The following RAB33A variants were observed in gnomAD, a reference collection of about 807,000 sequenced individuals.
The protein encoded by RAB33A is ras-related protein Rab-33A.
In RAB33A, 6 loss-of-function variants were observed where a neutral mutation model predicts 12.0. The ratio of observed to expected loss-of-function variants is 0.50; its 90% CI spans 0.27 to 0.99. The LOEUF is 0.99. RAB33A is among the 50% of genes least tolerant of loss of function. The pLI, the probability that RAB33A is intolerant of heterozygous loss-of-function variation, is 0.11. For missense variants in RAB33A, 109 were observed against 192.0 expected (o/e 0.57, Z 2.55); for synonymous variants, 70 against 82.4 (o/e 0.85, Z 0.81).
chrX:130,158,813 C>T, the RAB33A span, among the ~76,000 whole-genome samples: 1 of 109,520 alleles, frequency 9.1e-6, no homozygotes, highest in Non-Finnish European at 1.9e-5. Flanking sequence ...AGTCTAGAGG[C>T]TGATACTTAT....
chrX:130,158,748 A>G, the RAB33A span, among the ~76,000 whole-genome samples: 8 of 107,269 alleles, frequency 7.5e-5, no homozygotes, highest in African/African-American at 2.7e-4. Flanking sequence ...AAAAAATCTC[A>G]TAATGTTTTA....
chrX:130,160,937 G>A, the RAB33A span, among the ~76,000 whole-genome samples: 18 of 109,942 alleles, frequency 1.6e-4, no homozygotes, highest in African/African-American at 5.6e-4. Flanking sequence ...ATAAACTTAA[G>A]AGTTTTTTTT....
intron 1 of RAB33A, among the ~76,000 whole-genome samples, chrX:130,178,460 C>T (rs1439750131): frequency 2.8e-5 from 3 of 108,505 alleles, no homozygotes; most frequent in Non-Finnish European, 5.7e-5. Flanking sequence ...GAAACCCCAT[C>T]TCTACAAAAA....
chrX:130,118,728 T>G, the RAB33A span, among the ~76,000 whole-genome samples: 1 of 111,298 alleles, frequency 9.0e-6, no homozygotes, highest in Non-Finnish European at 1.9e-5. Flanking sequence ...TGTGGGTCTG[T>G]GTGCAACATG....
the RAB33A span, chrX:130,129,929 G>A: frequency 2.4e-5 from 29 of 1,197,184 alleles, no homozygotes; most frequent in East Asian, 5.9e-5. Context: ...TTTCTAAGCC[G>A]TACTTCCCAT....
At chrX:130,167,265 T>C (rs1279925601), upstream of RAB33A, among the ~76,000 whole-genome samples, 1 of 112,944 alleles carries the variant, frequency 8.9e-6, no homozygotes, top group African/African-American at 3.2e-5. Flanking sequence ...AGTCACTTAA[T>C]TGTGCCTCAT....
chrX:130,134,456 G>GTATT, the RAB33A span, among the ~76,000 whole-genome samples: 1 of 110,768 alleles, frequency 9.0e-6, no homozygotes, highest in Non-Finnish European at 1.9e-5. Context: ...TTGTCACTCA[G>GTATT]TATTCATTCA....
chrX:130,138,980 T>C, the RAB33A span, among the ~76,000 whole-genome samples: 2 of 111,089 alleles, frequency 1.8e-5, no homozygotes, highest in African/African-American at 6.5e-5. Context: ...GGCAAGTAGG[T>C]GCTCCCAGCA....
At chrX:130,139,829 G>T in the RAB33A span, 1 of 1,211,196 alleles carries the variant, frequency 8.3e-7, no homozygotes, top group Non-Finnish European at 1.1e-6. Context: ...CTTCACCTCT[G>T]CTCCAGCCCT....
chrX:130,180,716 A>G (rs1219859451), intron 1 of RAB33A, among the ~76,000 whole-genome samples: 1 of 95,580 alleles, frequency 1.0e-5, no homozygotes, highest in Non-Finnish European at 2.1e-5. Flanking sequence ...TCAGCCTCCC[A>G]AAATGCTGGG....
chrX:130,157,655 CT>C, the RAB33A span, among the ~76,000 whole-genome samples: 3 of 107,815 alleles, frequency 2.8e-5, no homozygotes, highest in East Asian at 5.7e-4. Context: ...TCACGAAATT[CT>C]TTTTTTTTTC....
the RAB33A span, among the ~76,000 whole-genome samples, chrX:130,112,208 G>A: frequency 8.9e-6 from 1 of 112,113 alleles, no homozygotes; most frequent in Non-Finnish European, 1.9e-5. Flanking sequence ...TGGATACTCA[G>A]AATCAAGTCC....
chrX:130,135,804 G>A, the RAB33A span, among the ~76,000 whole-genome samples: 1 of 111,356 alleles, frequency 9.0e-6, no homozygotes, highest in Non-Finnish European at 1.9e-5. Context: ...AAGTAGAACC[G>A]GAAGAGCTCT....
At chrX:130,128,375 C>T in the RAB33A span, among the ~76,000 whole-genome samples, 1 of 110,812 alleles carries the variant, frequency 9.0e-6, no homozygotes, top group Non-Finnish European at 1.9e-5. Context: ...GAGTTTGAGA[C>T]CAGCCTGACC....
the RAB33A span, among the ~76,000 whole-genome samples, chrX:130,158,059 T>TA: frequency 9.1e-6 from 1 of 109,821 alleles, no homozygotes; most frequent in Admixed American, 9.7e-5. Flanking sequence ...GGTTGGGAGT[T>TA]AGAGACCAGC....
chrX:130,149,515 C>A, the RAB33A span: 1 of 1,211,363 alleles, frequency 8.3e-7, no homozygotes. Flanking sequence ...TCAGCCCTAA[C>A]CCTGAAATTC....
chrX:130,163,304 CAAAA>C, the RAB33A span, among the ~76,000 whole-genome samples: 1 of 66,842 alleles, frequency 1.5e-5, no homozygotes, highest in Non-Finnish European at 3.0e-5. Flanking sequence ...GACTCCGCCT[CAAAA>C]AAAAAAAAAA....
chrX:130,149,434 T>A, the RAB33A span: 1 of 1,117,209 alleles, frequency 9.0e-7, no homozygotes, highest in East Asian at 3.0e-5. Flanking sequence ...CCTTTGTGAG[T>A]CTCAAATCAT....
upstream of RAB33A, among the ~76,000 whole-genome samples, chrX:130,167,707 C>T (rs766661762): frequency 8.9e-6 from 1 of 112,614 alleles, no homozygotes; most frequent in Admixed American, 9.4e-5. Context: ...TGTGCCACTG[C>T]ACTCCAGCCT....
Sources: gnomAD v4.1 joint callset for allele counts (sites outside exome capture counted in the v4.1 genomes callset) on GRCh38, gnomAD v4.1.1 for gene constraint, MANE v1.5 for transcripts, NCBI Gene and HGNC (gene_info 2026-07-23, HGNC 2026-07-21) for gene names.